Variants in SLMAP observed in about 807,000 individuals in gnomAD.
SLMAP encodes the protein sarcolemma associated protein.
A neutral mutation model predicts 128.8 loss-of-function variants in SLMAP; 44 were observed. The observed-to-expected ratio is 0.34, with a 90% CI of 0.27 to 0.44. The LOEUF is 0.44. Ranked by LOEUF, SLMAP falls within the 20% of genes least tolerant of loss-of-function variation. The probability of loss-of-function intolerance (pLI) is 1.00; values close to 1 mark genes in which losing one functional copy is unlikely to be tolerated. For missense variants in SLMAP, 787 were observed against 985.3 expected, an observed-to-expected ratio of 0.80 and a Z score of 2.69; for synonymous variants, 327 against 348.8, an observed-to-expected ratio of 0.94 and a Z score of 0.70.
chr3:57,811,108 G>T (rs1576871849), intron 2 of SLMAP, among the ~76,000 whole-genome samples: 1 of 152,088 alleles, frequency 6.6e-6, no homozygotes. Context: ...ATTTATCATT[G>T]TAGCCATTTT....
At chr3:57,771,943 TA>T (rs1252697825) in intron 2 of SLMAP, among the ~76,000 whole-genome samples, 2 of 152,194 alleles carry the variant, frequency 1.3e-5, no homozygotes, top group Admixed American at 6.5e-5. Flanking sequence ...AGAAGTTGGG[TA>T]AATTACAAGA....
intron 2 of SLMAP, among the ~76,000 whole-genome samples, chr3:57,792,280 T>G (rs2085649749): frequency 6.6e-6 from 1 of 152,146 alleles, no homozygotes; most frequent in South Asian, 2.1e-4. Flanking sequence ...CCAAGTAAAC[T>G]TATAAGTAAA....
chr3:57,924,674 T>C (rs144082140), intron 23 of SLMAP, among the ~76,000 whole-genome samples: 1,841 of 152,146 alleles, frequency 0.012, 21 homozygotes, highest in South Asian at 0.033. Context: ...GCTCTGCCTG[T>C]CTTTATATAC....
chr3:57,874,689 A>C (rs1013435776), intron 14 of SLMAP, among the ~76,000 whole-genome samples: 1 of 152,066 alleles, frequency 6.6e-6, no homozygotes, highest in African/African-American at 2.4e-5. Context: ...TTGAAACCGC[A>C]TCTCTACTAA....
intron 2 of SLMAP, among the ~76,000 whole-genome samples, chr3:57,792,055 T>A (rs1413126605): frequency 1.3e-5 from 2 of 152,118 alleles, no homozygotes; most frequent in South Asian, 4.1e-4. Flanking sequence ...AAAGAAAATA[T>A]GTGAATTAAG....
chr3:57,825,408 C>A (rs565864588), intron 2 of SLMAP, among the ~76,000 whole-genome samples: 1 of 150,914 alleles, frequency 6.6e-6, no homozygotes, highest in South Asian at 2.1e-4. Context: ...GAGGAAGTTC[C>A]CTTCTAACGT....
chr3:57,883,016 C>T (rs533957951), intron 14 of SLMAP, among the ~76,000 whole-genome samples: 2 of 152,194 alleles, frequency 1.3e-5, no homozygotes, highest in African/African-American at 4.8e-5. Context: ...TCTACTTTCA[C>T]CAGACCCTAA....
At chr3:57,826,229 T>G (rs2092918002) in intron 2 of SLMAP, among the ~76,000 whole-genome samples, 2 of 152,188 alleles carry the variant, frequency 1.3e-5, no homozygotes, top group African/African-American at 4.8e-5. Context: ...TTTATTTTGC[T>G]CTTTCATGTC....
intron 2 of SLMAP, among the ~76,000 whole-genome samples, chr3:57,787,926 A>G (rs1177525465): frequency 6.6e-6 from 1 of 152,212 alleles, no homozygotes; most frequent in Non-Finnish European, 1.5e-5. Context: ...TTGCCAAGAG[A>G]GGTACTAGTC....
intron 14 of SLMAP, 146 bp downstream of exon 14, chr3:57,871,844 A>G (rs2095486482): frequency 3.5e-6 from 2 of 576,438 alleles, no homozygotes; most frequent in Non-Finnish European, 3.1e-6. Context: ...CCTTTTCATA[A>G]CTATTTGTCT....
At chr3:57,896,958 C>A (rs548986298) in intron 17 of SLMAP, 26 bp downstream of exon 17, 2 of 1,612,576 alleles carry the variant, frequency 1.2e-6, no homozygotes, top group African/African-American at 2.7e-5. Flanking sequence ...TTTATGACAT[C>A]GTAAACCAGG....
At chr3:57,818,672 A>G (rs2153526019) in intron 2 of SLMAP, among the ~76,000 whole-genome samples, 1 of 152,326 alleles carries the variant, frequency 6.6e-6, no homozygotes, top group East Asian at 1.9e-4. Flanking sequence ...AAACTTCTGT[A>G]TATAAGTGAT....
intron 2 of SLMAP, among the ~76,000 whole-genome samples, chr3:57,806,425 T>G (rs1348250619): frequency 6.6e-6 from 1 of 152,112 alleles, no homozygotes; most frequent in Non-Finnish European, 1.5e-5. Context: ...GGTGTTTATG[T>G]ACCACATTTT....
At chr3:57,889,178 A>C (rs550898282) in intron 14 of SLMAP, among the ~76,000 whole-genome samples, 1 of 152,326 alleles carries the variant, frequency 6.6e-6, no homozygotes, top group East Asian at 1.9e-4. Context: ...GCCACTGCGC[A>C]CGGCCCCTCT....
At chr3:57,890,263 C>G in intron 15 of SLMAP, 163 bp downstream of exon 15, 2 of 560,868 alleles carry the variant, frequency 3.6e-6, no homozygotes, top group Non-Finnish European at 6.2e-6. Context: ...AATCAGACTT[C>G]TGTTTTAAGA....
At chr3:57,784,097 A>G (rs2083592959) in intron 2 of SLMAP, among the ~76,000 whole-genome samples, 1 of 152,192 alleles carries the variant, frequency 6.6e-6, no homozygotes, top group South Asian at 2.1e-4. Context: ...GGGGGCCCAG[A>G]CAGAGATGTG....
intron 2 of SLMAP, among the ~76,000 whole-genome samples, chr3:57,783,294 T>C (rs1282688325): frequency 3.3e-5 from 5 of 152,074 alleles, no homozygotes; most frequent in Non-Finnish European, 7.4e-5. Flanking sequence ...TTGGTAGAAA[T>C]AGGGATAGTA....
At chr3:57,857,896 A>G in intron 7 of SLMAP, 68 bp downstream of exon 7, 1 of 1,135,662 alleles carries the variant, frequency 8.8e-7, no homozygotes, top group Non-Finnish European at 1.3e-6. Context: ...TGTTAAATAA[A>G]CTAAAATGTA....
chr3:57,776,524 T>TCTC (rs1576318229), intron 2 of SLMAP, among the ~76,000 whole-genome samples: 154 of 68,456 alleles, frequency 2.2e-3, no homozygotes, highest in Admixed American at 5.0e-3. Flanking sequence ...CTCTCTCTCT[T>TCTC]TTTTTTTTTT....
Sources: allele counts gnomAD v4.1 joint callset (sites outside exome capture counted in the v4.1 genomes callset), GRCh38; gene constraint gnomAD v4.1.1; transcripts MANE v1.5; gene names NCBI Gene and HGNC (gene_info 2026-07-23, HGNC 2026-07-21).